Variants in ANKRD13B observed in about 807,000 individuals in gnomAD.
ANKRD13B encodes ankyrin repeat domain 13B.
ANKRD13B carries 33 observed loss-of-function variants against 74.4 expected under a neutral mutation model. That is an observed-to-expected ratio of 0.44 (90% CI 0.34 to 0.59). The LOEUF is 0.59. Ranked by LOEUF, ANKRD13B falls within the 20% of genes least tolerant of loss-of-function variation. ANKRD13B has a pLI of 0.02. For synonymous variants in ANKRD13B, 341 were observed against 362.9 expected (o/e 0.94, Z 0.68); for missense variants, 676 against 877.9 (o/e 0.77, Z 2.91).
At position 29,608,641 on chromosome 17, in the gene ANKRD13B, A is replaced by G. The variant is rs1016932986; in HGVS notation, c.422-210A>G. ...GATGGACACTAGGGACTTAGTGGTG[A>G]CAGAAACATGCCCGTCCCGACCTCA... is the stretch of plus-strand genomic sequence containing the variant. On this transcript the variant is annotated intron_variant, in intron 4 of 14. Transcript: ENST00000394859. The surrounding 1 kb of genome is among the most constrained non-coding windows in gnomAD (Gnocchi z 6.4). 2.5e-5 allele frequency: 16 copies of G among 636,752 alleles called. No individual in the cohort carries two copies. The African/African-American group carries it at 2.9e-4, about 12-fold the overall frequency. The allele number at this position is 636,752 out of a possible 1,614,324, so 39.4% of individuals were successfully genotyped here.
intron 1 of ANKRD13B, among the ~76,000 whole-genome samples, chr17:29,602,118 G>A (rs369866283): frequency 6.6e-5 from 10 of 152,288 alleles, no homozygotes; most frequent in East Asian, 3.9e-4. Context: ...ATATTTGGCC[G>A]GGTGTGGTGG....
intron 1 of ANKRD13B, among the ~76,000 whole-genome samples, chr17:29,597,057 C>T (rs1194420190): frequency 6.6e-5 from 10 of 152,160 alleles, no homozygotes; most frequent in East Asian, 3.9e-4. Flanking sequence ...GGTCAAGCAA[C>T]GACTACACCA....
rs74267071 is a variant in ANKRD13B at position 29,601,764 on chromosome 17, GA to G, written c.115-5965del. ...TCAATACCAGTCATACTGGATTAGA[GA>G]AAAAAAAAAAAAGAATTCTAGGTTG... is the stretch of plus-strand genomic sequence containing the variant. On this transcript the variant is annotated intron_variant, in intron 1 of 14. Transcript: ENST00000394859. Among the ~76,000 whole-genome samples, 511 of 137,418 alleles carry G rather than the reference GA, an allele frequency of 3.7e-3. 4 individuals are homozygous for G. Among genetic ancestry groups the G allele is most frequent in the Admixed American group, 0.017 (236 of 13,820 alleles). The allele number at this position is 137,418 out of a possible 152,430, so 90.2% of individuals were successfully genotyped here. A position where few individuals can be genotyped will look rare whatever the true frequency, so the allele number is the denominator to read the frequency against.
At position 29,609,968 on chromosome 17, in the gene ANKRD13B, C is replaced by T. The variant is rs1027400911; in HGVS notation, c.822+547C>T. On this transcript the variant is annotated intron_variant, in intron 7 of 14. Coordinates refer to ENST00000394859, the MANE Select transcript of ANKRD13B (RefSeq NM_152345.5). The surrounding 1 kb of genome is among the most constrained non-coding windows in gnomAD (Gnocchi z 4.0). ...CAGCGCTTTGGGAGGCCGAGGTGAGCGGATCACCTGAGGTCAGTTCGAGAC... is the reference window on the plus strand; with the variant it reads ...CAGCGCTTTGGGAGGCCGAGGTGAGTGGATCACCTGAGGTCAGTTCGAGAC... 3.9e-5 allele frequency among the ~76,000 whole-genome samples: 6 copies of T among 151,948 alleles called. No individual in the cohort carries two copies. Among genetic ancestry groups the T allele is most frequent in the South Asian group, 2.1e-4 (1 of 4,814 alleles).
chr17:29,613,493 G>T lies in ANKRD13B; in HGVS notation c.1792G>T (p.Ala598Ser). 1 of 1,532,360 alleles carries T rather than the reference G, an allele frequency of 6.5e-7. No homozygotes were observed. The highest frequency in any genetic ancestry group is 8.8e-7 in the Non-Finnish European group (1 of 1,141,474). The allele number at this position is 1,532,360 out of a possible 1,614,324, so 94.9% of individuals were successfully genotyped here. Residue 598 changes from alanine to serine, a missense_variant, in exon 15 of 15, where the codon GCG becomes TCG. Physicochemically the swap from Ala to Ser is moderately conservative, Grantham distance 99. This residue lies in a region of ANKRD13B where 108 missense variants were observed against 90.3 expected (regional missense o/e 1.20). Coordinates refer to ENST00000394859, the MANE Select transcript of ANKRD13B (RefSeq NM_152345.5). ...GCTGCGGCTGGCGATGGAACTGTCG[G>T]CGCAGGAGCAGGAGGAGAGGCGGCG... ...EQLRLAMELS[A>S]QEQEERRRRA... is the part of the protein sequence containing the mutation.
At chr17:29,593,809 C>A in intron 1 of ANKRD13B, 74 bp downstream of exon 1, 1 of 892,144 alleles carries the variant, frequency 1.1e-6, no homozygotes, top group South Asian at 3.4e-5. Flanking sequence ...GGGGGTGCGG[C>A]GCGGGCTGTC....
intron 1 of ANKRD13B, among the ~76,000 whole-genome samples, chr17:29,602,487 C>T (rs1486822508): frequency 6.6e-6 from 1 of 152,006 alleles, no homozygotes; most frequent in Non-Finnish European, 1.5e-5. Context: ...TCCAAAGGCT[C>T]TAGGGAAGAG....
intron 1 of ANKRD13B, among the ~76,000 whole-genome samples, chr17:29,607,399 G>A (rs2034426790): frequency 6.6e-6 from 1 of 152,220 alleles, no homozygotes; most frequent in African/African-American, 2.4e-5. Context: ...CCCCACTTCA[G>A]TCCCAGGCTT....
At chr17:29,599,867 T>TTC (rs1555579133) in intron 1 of ANKRD13B, among the ~76,000 whole-genome samples, 1 of 105,830 alleles carries the variant, frequency 9.4e-6, no homozygotes, top group Non-Finnish European at 1.9e-5. Context: ...TCTAATTTGT[T>TTC]TTTTTTTTTT....
rs1203197983 is a variant in ANKRD13B at position 29,613,999 on chromosome 17, TCTCTG to T, written c.*422_*426del. On this transcript the variant is annotated 3_prime_UTR_variant, in exon 15 of 15. Coordinates refer to ENST00000394859, the MANE Select transcript of ANKRD13B (RefSeq NM_152345.5). ...GGACACTGCCCCTGAAGCCTTTGCATCTCTGCTCTTCACTCCTGGGGGGCAGCTGA... is the reference window on the plus strand; with the variant it reads ...GGACACTGCCCCTGAAGCCTTTGCATCTCTTCACTCCTGGGGGGCAGCTGA... 2 of 172,074 alleles carry T rather than the reference TCTCTG, an allele frequency of 1.2e-5. No homozygotes were observed. Among genetic ancestry groups the T allele is most frequent in the African/African-American group, 4.7e-5 (2 of 42,232 alleles). 10.7% of individuals were successfully genotyped at this position (172,074 alleles called of 1,614,324 possible).
chr17:29,604,171 G>A (rs2034281439), intron 1 of ANKRD13B, among the ~76,000 whole-genome samples: 1 of 151,680 alleles, frequency 6.6e-6, no homozygotes, highest in Non-Finnish European at 1.5e-5. Flanking sequence ...CTTTGTTCAG[G>A]CAGACTAGGT....
intron 1 of ANKRD13B, among the ~76,000 whole-genome samples, chr17:29,602,529 T>C (rs2034219983): frequency 6.6e-6 from 1 of 152,292 alleles, no homozygotes; most frequent in Admixed American, 6.5e-5. Context: ...TTCTGGTGAC[T>C]GGGCCACAAC....
chr17:29,610,993 G>A (rs538781818), intron 8 of ANKRD13B, among the ~76,000 whole-genome samples: 1 of 152,334 alleles, frequency 6.6e-6, no homozygotes, highest in South Asian at 2.1e-4. Context: ...GAGCCATGCT[G>A]CAAGTGATTA....
Position 29,601,644 on chromosome 17 carries a change from C to T in ANKRD13B, c.115-6098C>T, listed in dbSNP as rs74534021. 9.2e-3 allele frequency among the ~76,000 whole-genome samples: 1,395 copies of T among 152,240 alleles called. 27 individuals are homozygous for T. The highest frequency in any genetic ancestry group is 0.032 in the African/African-American group (1,337 of 41,544). On this transcript the variant is annotated intron_variant, in intron 1 of 14. Transcript: ENST00000394859. ...ACTCCCTTTAACATTTCCTGCACAT[C>T]TGGCAATAAATTCCCTTAGAATTTG...
intron 1 of ANKRD13B, among the ~76,000 whole-genome samples, chr17:29,596,407 G>A (rs1253148873): frequency 6.6e-6 from 1 of 152,256 alleles, no homozygotes; most frequent in Non-Finnish European, 1.5e-5. Context: ...GGACAGGGTT[G>A]TAAGCCAGGG....
chr17:29,608,002 G>A lies in ANKRD13B; in HGVS notation c.267G>A (p.Val89=), dbSNP rs1232920115. 6.2e-7 allele frequency: 1 copy of A among 1,609,080 alleles called. No individual in the cohort carries two copies. Among genetic ancestry groups the A allele is most frequent in the Non-Finnish European group, 8.5e-7 (1 of 1,177,350 alleles). ...CTCCCCCAGTGCTCCAGGAGGCTGT[G>A]AGTACCCGGGACCTGGAGCTGGTGC... is the stretch of plus-strand genomic sequence containing the variant. The part of the protein sequence containing the change: ...RSGWTVLQEA[V]STRDLELVQL... The change falls in exon 3 of 15, where the codon GTG becomes GTA. Residue 89 remains valine, a synonymous_variant. Coordinates refer to ENST00000394859, the MANE Select transcript of ANKRD13B (RefSeq NM_152345.5). The surrounding 1 kb of genome is among the most constrained non-coding windows in gnomAD (Gnocchi z 6.4).
intron 1 of ANKRD13B, 24 bp downstream of exon 1, chr17:29,593,759 C>CG: frequency 7.4e-7 from 1 of 1,347,278 alleles, no homozygotes; most frequent in Non-Finnish European, 9.6e-7. Flanking sequence ...CGGGGCGCCG[C>CG]GGGGACCCCG....
chr17:29,605,036 G>T (rs1048900588), intron 1 of ANKRD13B, among the ~76,000 whole-genome samples: 6 of 152,124 alleles, frequency 3.9e-5, no homozygotes, highest in African/African-American at 1.4e-4. Context: ...TCCTTTTTGT[G>T]TGGTCTTACT....
intron 1 of ANKRD13B, among the ~76,000 whole-genome samples, chr17:29,599,062 T>C (rs114339079): frequency 0.023 from 3,550 of 152,154 alleles, 133 homozygotes; most frequent in African/African-American, 0.082. Flanking sequence ...GGACGGGCAG[T>C]GGATAGAGCC....
Sources: gnomAD v4.1 joint callset for allele counts (sites outside exome capture counted in the v4.1 genomes callset) on GRCh38, gnomAD v4.1.1 for gene constraint, gnomAD v4.1.1 regional missense constraint, Gnocchi (gnomAD v3.1) non-coding constraint, MANE v1.5 for transcripts, NCBI Gene and HGNC (gene_info 2026-07-23, HGNC 2026-07-21) for gene names.